The following PHF21A variants were observed in gnomAD, a reference collection of about 807,000 sequenced individuals.
PHF21A encodes the protein PHD finger protein 21A.
PHF21A carries 11 observed loss-of-function variants against 82.5 expected under a neutral mutation model. That is an observed-to-expected ratio of 0.13 (90% CI 0.08 to 0.22). PHF21A has a LOEUF of 0.22. PHF21A is among the 10% of genes least tolerant of loss of function. PHF21A has a pLI of 1.00. For missense variants in PHF21A, 579 were observed against 837.8 expected (o/e 0.69, Z 3.81); for synonymous variants, 297 against 302.8 (o/e 0.98, Z 0.20).
chr11:46,034,221 A>C (rs1477512728), intron 6 of PHF21A, among the ~76,000 whole-genome samples: 247 of 124,682 alleles, frequency 2.0e-3, no homozygotes, highest in Middle Eastern at 3.8e-3. Context: ...TAGTGCCCCC[A>C]CCCCCCCCTT....
At chr11:46,052,192 A>C (rs1245505593) in intron 6 of PHF21A, among the ~76,000 whole-genome samples, 1 of 152,156 alleles carries the variant, frequency 6.6e-6, no homozygotes, top group African/African-American at 2.4e-5. Context: ...AAACAAATAA[A>C]AAAAACTTTC....
intron 1 of PHF21A, among the ~76,000 whole-genome samples, chr11:46,101,861 T>C (rs982639469): frequency 7.0e-6 from 1 of 143,692 alleles, no homozygotes; most frequent in Non-Finnish European, 1.5e-5. Context: ...GTCTCCCTCT[T>C]TTTTTTTTTT....
chr11:46,062,052 A>AGAT (rs781042097), intron 6 of PHF21A, among the ~76,000 whole-genome samples: 1 of 150,658 alleles, frequency 6.6e-6, no homozygotes, highest in Non-Finnish European at 1.5e-5. Context: ...GTCTGATGAC[A>AGAT]TCTGATTCCC....
chr11:46,003,605 A>T (rs1046531459), intron 6 of PHF21A, among the ~76,000 whole-genome samples: 1 of 152,178 alleles, frequency 6.6e-6, no homozygotes, highest in South Asian at 2.1e-4. Flanking sequence ...TACAATTCTC[A>T]CTAGGATGAT....
chr11:46,015,415 C>G (rs1191850422), intron 6 of PHF21A, among the ~76,000 whole-genome samples: 4 of 152,010 alleles, frequency 2.6e-5, no homozygotes, highest in African/African-American at 9.7e-5. Context: ...AATTCTTTGC[C>G]TAGGCCAATT....
rs780150629 is a variant in PHF21A at position 45,971,319 on chromosome 11, C to T, written c.409G>A (p.Val137Ile). ...SMITTKTLPL[V>I]LKAATATMPA... ...ATGGTCGCAGTTGCTGCTTTCAAGA[C>T]GAGAGGTAGTGTCTTTGTGGTAATC... Residue 137 changes from valine to isoleucine, a missense_variant, in exon 8 of 19, where the codon GTC becomes ATC. Coordinates refer to ENST00000676320, the MANE Select transcript of PHF21A (RefSeq NM_001352027.3). 10 of 1,614,016 alleles carry T rather than the reference C, an allele frequency of 6.2e-6. No individual in the cohort carries two copies. The highest frequency in any genetic ancestry group is 1.7e-5 in the Admixed American group (1 of 59,996).
chr11:46,055,727 C>T (rs943972624), intron 6 of PHF21A, among the ~76,000 whole-genome samples: 2 of 152,140 alleles, frequency 1.3e-5, no homozygotes, highest in African/African-American at 4.8e-5. Context: ...CAACAATTTA[C>T]ATCCAGACTC....
At chr11:46,055,815 T>C (rs1483107277) in intron 6 of PHF21A, among the ~76,000 whole-genome samples, 2 of 152,040 alleles carry the variant, frequency 1.3e-5, no homozygotes, top group African/African-American at 2.4e-5. Context: ...AAGCCTAAAA[T>C]CAGAATTTTT....
chr11:46,085,245 T>G (rs1190600199), intron 3 of PHF21A, among the ~76,000 whole-genome samples: 1 of 152,082 alleles, frequency 6.6e-6, no homozygotes, highest in Non-Finnish European at 1.5e-5. Flanking sequence ...TCGTGTGTAA[T>G]TGAGGTGGTC....
chr11:45,950,727 G>A (rs955142827), intron 11 of PHF21A, among the ~76,000 whole-genome samples: 43 of 152,142 alleles, frequency 2.8e-4, no homozygotes, highest in Admixed American at 2.0e-3. Context: ...TGTGTGATCC[G>A]AGTGACCCGC....
intron 6 of PHF21A, among the ~76,000 whole-genome samples, chr11:46,029,906 T>C (rs17725424): frequency 0.026 from 3,961 of 152,324 alleles, 76 homozygotes; most frequent in Middle Eastern, 0.044. Flanking sequence ...AATTGGTAGG[T>C]AAAATACTTT....
At chr11:46,015,198 T>TTTG (rs1389777665) in intron 6 of PHF21A, among the ~76,000 whole-genome samples, 2 of 152,068 alleles carry the variant, frequency 1.3e-5, no homozygotes, top group South Asian at 2.1e-4. Context: ...GGTTATTTAT[T>TTTG]TTGTTGTTGT....
intron 3 of PHF21A, among the ~76,000 whole-genome samples, chr11:46,084,736 G>C (rs1242359478): frequency 6.6e-6 from 1 of 150,456 alleles, no homozygotes; most frequent in Non-Finnish European, 1.5e-5. Flanking sequence ...CTGGAGTGCA[G>C]TGGTGCAATC....
At chr11:46,025,877 T>C (rs1279404039) in intron 6 of PHF21A, among the ~76,000 whole-genome samples, 1 of 152,200 alleles carries the variant, frequency 6.6e-6, no homozygotes, top group African/African-American at 2.4e-5. Flanking sequence ...CATAGCCCAT[T>C]GTAAATTAAA....
In PHF21A at chr11:45,929,962, CCTCCA is replaced by C. The variant is rs1217361811; in HGVS notation, c.*4001_*4005del. ...GCGAGGTTCACACAGAGCAAAGTTG[CCTCCA>C]CTCAACAGAAGCCACGGGATCTGGA... is the stretch of plus-strand genomic sequence containing the variant. On this transcript the variant is annotated 3_prime_UTR_variant, in exon 19 of 19. Transcript: ENST00000676320. 2 of 152,242 alleles carry C rather than the reference CCTCCA, an allele frequency of 1.3e-5. No homozygotes were observed. Among genetic ancestry groups the C allele is most frequent in the Non-Finnish European group, 2.9e-5 (2 of 68,092 alleles). 9.4% of individuals were successfully genotyped at this position (152,242 alleles called of 1,614,324 possible).
intron 3 of PHF21A, among the ~76,000 whole-genome samples, chr11:46,085,125 A>G (rs1283933343): frequency 6.6e-6 from 1 of 152,204 alleles, no homozygotes; most frequent in Non-Finnish European, 1.5e-5. Context: ...AAATTCTGGT[A>G]TAACTTAAAC....
intron 1 of PHF21A, 23 bp from the exon 2 acceptor site, chr11:46,092,246 T>C (rs1169126948): frequency 1.3e-5 from 2 of 151,946 alleles, no homozygotes; most frequent in Non-Finnish European, 2.9e-5. Flanking sequence ...AACGGGAAAA[T>C]GGAATTAGAC....
At chr11:46,021,901 G>A (rs1261185404) in intron 6 of PHF21A, among the ~76,000 whole-genome samples, 3 of 152,022 alleles carry the variant, frequency 2.0e-5, no homozygotes, top group African/African-American at 7.3e-5. Context: ...AGGAGGGGCA[G>A]AATAATTCAT....
chr11:46,097,159 A>G (rs185146942), intron 1 of PHF21A, among the ~76,000 whole-genome samples: 47 of 152,228 alleles, frequency 3.1e-4, no homozygotes, highest in African/African-American at 9.4e-4. Context: ...GGCCTCCCCA[A>G]TTCTACCCTA....
Sources: allele counts gnomAD v4.1 joint callset (sites outside exome capture counted in the v4.1 genomes callset), GRCh38; gene constraint gnomAD v4.1.1; transcripts MANE v1.5; gene names NCBI Gene and HGNC (gene_info 2026-07-23, HGNC 2026-07-21).